The following FMNL3 variants were observed in gnomAD, a reference collection of about 807,000 sequenced individuals.
The protein encoded by FMNL3 is formin-like protein 3.
A neutral mutation model predicts 119.6 loss-of-function variants in FMNL3; 57 were observed. That is an observed-to-expected ratio of 0.48 (90% CI 0.39 to 0.59). FMNL3 has a LOEUF of 0.59. Ranked by LOEUF, FMNL3 falls within the 20% of genes least tolerant of loss-of-function variation. The pLI, the probability that FMNL3 is intolerant of heterozygous loss-of-function variation, is 0.00. For missense variants in FMNL3, 1,053 were observed against 1,323.5 expected, an observed-to-expected ratio of 0.80 and a Z score of 3.17; for synonymous variants, 491 against 507.3, an observed-to-expected ratio of 0.97 and a Z score of 0.43.
At chr12:49,693,332 A>G (rs1440280300) in intron 1 of FMNL3, among the ~76,000 whole-genome samples, 1 of 151,990 alleles carries the variant, frequency 6.6e-6, no homozygotes, top group African/African-American at 2.4e-5. Context: ...GGCAGATTAC[A>G]TATACATATA....
At chr12:49,680,839 G>C (rs1333063399) in intron 1 of FMNL3, among the ~76,000 whole-genome samples, 1 of 152,202 alleles carries the variant, frequency 6.6e-6, no homozygotes, top group Non-Finnish European at 1.5e-5. Flanking sequence ...TTAAGAATCT[G>C]AGACCAACTG....
In FMNL3 at chr12:49,646,363, G is replaced by A. The variant is rs182750518; in HGVS notation, c.2996-460C>T. On this transcript the variant is annotated intron_variant, in intron 25 of 25. Transcript: ENST00000335154. The stretch of plus-strand genomic sequence containing the variant: ...CTGTAGGTCTGGTCCTGCCTGCTCT[G>A]GCCTGTTCTCAACACTGGCCTGGTG... Among the ~76,000 whole-genome samples the A allele has an allele frequency of 1.6e-3, 243 of 152,258 alleles. 4 individuals carry two copies. Among genetic ancestry groups the A allele is most frequent in the Admixed American group, 0.014 (215 of 15,294 alleles).
At chr12:49,706,612 T>C (rs1474619521) in intron 1 of FMNL3, among the ~76,000 whole-genome samples, 8 of 152,094 alleles carry the variant, frequency 5.3e-5, no homozygotes, top group Non-Finnish European at 8.8e-5. Flanking sequence ...GAAGCCTCCA[T>C]GTTCGCAGGA....
At chr12:49,706,495 A>G (rs1945051516) in intron 1 of FMNL3, among the ~76,000 whole-genome samples, 1 of 152,152 alleles carries the variant, frequency 6.6e-6, no homozygotes, top group Admixed American at 6.5e-5. Flanking sequence ...AAATAAGCAG[A>G]ATGGCATACT....
Position 49,668,602 on chromosome 12 carries a change from GA to G in FMNL3, c.127-49del, listed in dbSNP as rs776459931. ...CAAGGCTGAAACCTCCCCTCATCTG[GA>G]AAAGAGAAAGACTAGACTGCCCACA... is the stretch of plus-strand genomic sequence containing the variant. On this transcript the variant is annotated intron_variant, in intron 1 of 25. Coordinates refer to ENST00000335154, the MANE Select transcript of FMNL3 (RefSeq NM_175736.5). 2.6e-6 allele frequency: 4 copies of G among 1,559,360 alleles called. No homozygotes were observed. The South Asian group carries it at 3.3e-5, about 13-fold the overall frequency.
chr12:49,666,433 C>A (rs150810319), intron 2 of FMNL3, among the ~76,000 whole-genome samples: 13 of 152,132 alleles, frequency 8.5e-5, no homozygotes, highest in African/African-American at 2.9e-4. Flanking sequence ...GCTCCCTGAG[C>A]CTAAAATGTT....
At chr12:49,706,254 C>T (rs1945044662) in intron 1 of FMNL3, among the ~76,000 whole-genome samples, 2 of 152,290 alleles carry the variant, frequency 1.3e-5, no homozygotes, top group South Asian at 4.1e-4. Flanking sequence ...CCAAAGTCAG[C>T]TCTAAAAACC....
At chr12:49,688,419 T>C (rs1944522125) in intron 1 of FMNL3, 2 of 455,980 alleles carry the variant, frequency 4.4e-6, no homozygotes, top group South Asian at 3.1e-5. Flanking sequence ...GCCAACAAGG[T>C]CCCACATAAT....
rs1469311099 is a variant in FMNL3, at chr12:49,642,944, C to T, written c.*2871G>A. ...GCCTCTAGCAGACTGAATGCCAGCA[C>T]CTCCACACCAAAGGCCGAAAGCATG... On this transcript the variant is annotated 3_prime_UTR_variant, in exon 26 of 26. Transcript: ENST00000335154. The surrounding 1 kb of genome is among the most constrained non-coding windows in gnomAD (Gnocchi z 5.8). The T allele has an allele frequency of 3.1e-6, 5 of 1,613,602 alleles. No individual in the cohort carries two copies. The highest frequency in any genetic ancestry group is 4.2e-6 in the Non-Finnish European group (5 of 1,179,744).
In FMNL3 at chr12:49,657,828, A is replaced by C. The variant is rs187852059; in HGVS notation, c.605+614T>G. On this transcript the variant is annotated intron_variant, in intron 6 of 25. Transcript: ENST00000335154. ...CACAAGAGAGACAGAAACCAAGGAA[A>C]GGGCCATGGGACCCAAAGGAAAGCC... 3.9e-4 allele frequency among the ~76,000 whole-genome samples: 59 copies of C among 152,334 alleles called. 1 individual carries two copies. Among genetic ancestry groups the C allele is most frequent in the Admixed American group, 3.5e-3 (53 of 15,302 alleles).
At position 49,647,807 on chromosome 12, in the gene FMNL3, G is replaced by A; in HGVS notation, c.2677-3C>T. On this transcript the variant is annotated splice_polypyrimidine_tract_variant and splice_region_variant and intron_variant, in intron 22 of 25. Transcript: ENST00000335154. The surrounding 1 kb of genome is among the most constrained non-coding windows in gnomAD (Gnocchi z 4.9). ...CGCACAACTGCATTGTAGGCCTCCTGGGGAAGGGGTGGGCAGAATGGGTCA... is the reference window on the plus strand; with the variant it reads ...CGCACAACTGCATTGTAGGCCTCCTAGGGAAGGGGTGGGCAGAATGGGTCA... 1 of 1,612,672 alleles carries A rather than the reference G, an allele frequency of 6.2e-7. No homozygotes were observed.
intron 6 of FMNL3, 81 bp from the exon 7 acceptor site, chr12:49,657,271 GC>G: frequency 8.9e-7 from 1 of 1,124,206 alleles, no homozygotes; most frequent in Non-Finnish European, 1.3e-6. Flanking sequence ...CACCCGGACA[GC>G]AGGCTGCCCC....
intron 1 of FMNL3, among the ~76,000 whole-genome samples, chr12:49,683,044 C>T (rs927962878): frequency 5.3e-5 from 8 of 152,144 alleles, no homozygotes; most frequent in South Asian, 2.1e-4. Flanking sequence ...CTAACTTCCT[C>T]GGGTCCACTT....
rs1381945389 is a variant in FMNL3 at position 49,645,656 on chromosome 12, C to T, written c.*159G>A. The T allele has an allele frequency of 4.9e-6, 3 of 607,594 alleles. No homozygotes were observed. The highest frequency in any genetic ancestry group is 2.8e-6 in the Non-Finnish European group (1 of 356,530). The allele number at this position is 607,594 out of a possible 1,614,324, so 37.6% of individuals were successfully genotyped here. ...GCACCAGGGACCTACAGACCTAGTG[C>T]CCATAGTGGCACAAGTAGAAAGATC... is the stretch of plus-strand genomic sequence containing the variant. On this transcript the variant is annotated 3_prime_UTR_variant, in exon 26 of 26. Transcript: ENST00000335154.
chr12:49,682,270 C>A (rs537908611), intron 1 of FMNL3, among the ~76,000 whole-genome samples: 1 of 152,078 alleles, frequency 6.6e-6, no homozygotes, highest in East Asian at 1.9e-4. Flanking sequence ...CGGGGTTTCA[C>A]TGTGTTAGCC....
chr12:49,644,310 C>T lies in FMNL3; in HGVS notation c.*1505G>A. ...CTGTGTCCACTTTTTCTAAAGTAAC[C>T]CCACCCCCAGCACACCATTGTTGGC... On this transcript the variant is annotated 3_prime_UTR_variant, in exon 26 of 26. Coordinates refer to ENST00000335154, the MANE Select transcript of FMNL3 (RefSeq NM_175736.5). The T allele has an allele frequency of 1.7e-6, 2 of 1,150,614 alleles. No individual in the cohort carries two copies. The highest frequency in any genetic ancestry group is 2.5e-6 in the Non-Finnish European group (2 of 790,250). The allele number at this position is 1,150,614 out of a possible 1,614,324, so 71.3% of individuals were successfully genotyped here.
chr12:49,658,009 T>C (rs1943622785), intron 6 of FMNL3, among the ~76,000 whole-genome samples: 2 of 151,322 alleles, frequency 1.3e-5, no homozygotes, highest in African/African-American at 4.9e-5. Flanking sequence ...GGCAGCCAGG[T>C]TGGGTGGGAG....
chr12:49,666,452 T>C lies in FMNL3; in HGVS notation c.211-245A>G, dbSNP rs756008658. 3.3e-5 allele frequency among the ~76,000 whole-genome samples: 5 copies of C among 152,320 alleles called. No homozygotes were observed. The Middle Eastern group carries it at 0.014, about 414-fold the overall frequency. ...CCTGAGCCTAAAATGTTTTTCTATG[T>C]CAAAAAGTATTTTAAAAGTGTGCTG... is the stretch of plus-strand genomic sequence containing the variant. On this transcript the variant is annotated intron_variant, in intron 2 of 25. Coordinates refer to ENST00000335154, the MANE Select transcript of FMNL3 (RefSeq NM_175736.5).
chr12:49,668,629 C>A, intron 1 of FMNL3, 75 bp from the exon 2 acceptor site: 2 of 1,339,234 alleles, frequency 1.5e-6, no homozygotes, highest in Non-Finnish European at 2.1e-6. Context: ...ACTGCCCACA[C>A]CTTTCTGCTA....
Sources: allele counts gnomAD v4.1 joint callset (sites outside exome capture counted in the v4.1 genomes callset), GRCh38; gene constraint gnomAD v4.1.1; non-coding constraint Gnocchi (gnomAD v3.1); transcripts MANE v1.5; gene names NCBI Gene and HGNC (gene_info 2026-07-23, HGNC 2026-07-21).